The following NUP205 variants were observed in gnomAD, a reference collection of about 807,000 sequenced individuals.
NUP205 encodes nuclear pore complex protein Nup205.
Under a neutral mutation model 253.8 loss-of-function variants are expected in NUP205, and 76 were observed. The ratio of observed to expected loss-of-function variants is 0.30; its 90% CI spans 0.25 to 0.36. The LOEUF (loss-of-function observed/expected upper bound fraction) is 0.36. Among genes scored for constraint, NUP205 ranks in the 10% least tolerant of loss-of-function variants. The pLI, the probability that NUP205 is intolerant of heterozygous loss-of-function variation, is 1.00. For missense variants in NUP205, 2,162 were observed against 2,425.5 expected (o/e 0.89, Z 2.28); for synonymous variants, 832 against 850.1 (o/e 0.98, Z 0.37).
At chr7:135,647,946 C>T (rs540146366) in intron 42 of NUP205, among the ~76,000 whole-genome samples, 26 of 152,146 alleles carry the variant, frequency 1.7e-4, no homozygotes, top group Non-Finnish European at 2.8e-4. Flanking sequence ...AAAACAAAAG[C>T]ATGCAAGTGG....
intron 13 of NUP205, among the ~76,000 whole-genome samples, chr7:135,596,447 C>T (rs1156504648): frequency 1.3e-5 from 2 of 152,108 alleles, no homozygotes; most frequent in Non-Finnish European, 2.9e-5. Context: ...CACCTGAAAT[C>T]AAATGTGATT....
Position 135,619,579 on chromosome 7 carries a change from T to A in NUP205, c.4120T>A (p.Cys1374Ser). The part of the protein sequence containing the change: ...EAHYAFMLDS[C>S]FTSPPPEENP... ...CCATTACGCTTTTATGCTTGATAGTTGCTTCACCTCACCTCCTCCTGAAGA... is the reference window on the plus strand; with the variant it reads ...CCATTACGCTTTTATGCTTGATAGTAGCTTCACCTCACCTCCTCCTGAAGA... Residue 1374 changes from cysteine to serine, a missense_variant, in exon 29 of 43, where the codon TGC becomes AGC. Physicochemically the swap from Cys to Ser is moderately radical, Grantham distance 112 (BLOSUM62 -1). Coordinates refer to ENST00000285968, the MANE Select transcript of NUP205 (RefSeq NM_015135.3). The A allele has an allele frequency of 6.2e-7, 1 of 1,614,184 alleles. No individual in the cohort carries two copies. The highest frequency in any genetic ancestry group is 8.5e-7 in the Non-Finnish European group (1 of 1,180,026).
chr7:135,566,345 C>T (rs1805758665), intron 1 of NUP205, among the ~76,000 whole-genome samples: 2 of 152,034 alleles, frequency 1.3e-5, no homozygotes, highest in Non-Finnish European at 2.9e-5. Flanking sequence ...CTAGCCTTGG[C>T]CTCCCGAAGT....
chr7:135,625,341 T>C lies in NUP205; in HGVS notation c.4657T>C (p.Tyr1553His). ...QPPLLKALYT[Y>H]ESKMAFLTRV... ...TCCCCTTTTAAAAGCACTTTATACT[T>C]ATGAATCTAAAATGGTAAGGCTTTC... The change falls in exon 32 of 43, where the codon TAT (tyrosine) becomes CAT (histidine). Residue 1553 changes from tyrosine (Y) to histidine (H), a missense_variant. Transcript: ENST00000285968. The C allele has an allele frequency of 6.3e-7, 1 of 1,592,186 alleles. No homozygotes were observed. Among genetic ancestry groups the C allele is most frequent in the South Asian group, 1.1e-5 (1 of 87,410 alleles).
chr7:135,573,866 A>C, intron 3 of NUP205, 41 bp downstream of exon 3: 2 of 1,453,556 alleles, frequency 1.4e-6, no homozygotes, highest in Non-Finnish European at 9.5e-7. Flanking sequence ...AAATAATGCA[A>C]AATTATAAAA....
At chr7:135,641,327 G>T (rs1012265298) in intron 38 of NUP205, among the ~76,000 whole-genome samples, 4 of 152,162 alleles carry the variant, frequency 2.6e-5, no homozygotes, top group Admixed American at 2.6e-4. Flanking sequence ...GTAGGAGAAG[G>T]CTCTCTATAA....
chr7:135,619,342 C>T, intron 28 of NUP205, 81 bp from the exon 29 acceptor site: 3 of 1,110,282 alleles, frequency 2.7e-6, no homozygotes, highest in Non-Finnish European at 3.7e-6. Flanking sequence ...ACCCTGTCTT[C>T]AAAAAAAAAA....
intron 1 of NUP205, among the ~76,000 whole-genome samples, chr7:135,560,227 C>T (rs947950756): frequency 6.6e-6 from 1 of 151,760 alleles, no homozygotes; most frequent in Non-Finnish European, 1.5e-5. Flanking sequence ...AACTCCTGAC[C>T]TCAGGTGATC....
intron 15 of NUP205, among the ~76,000 whole-genome samples, chr7:135,599,600 G>GT (rs201972012): frequency 0.01 from 1,592 of 152,122 alleles, 31 homozygotes; most frequent in African/African-American, 0.036. Context: ...TGTCTTATAT[G>GT]CTTTTTCTTA....
At chr7:135,601,555 C>T (rs1477800421) in intron 17 of NUP205, 48 bp downstream of exon 17, 1 of 1,570,156 alleles carries the variant, frequency 6.4e-7, no homozygotes, top group East Asian at 2.3e-5. Context: ...TTGATGTTTT[C>T]ATCTTTTGTA....
rs756138234 is a variant in NUP205 at position 135,619,560 on chromosome 7, C to T, written c.4101C>T (p.Tyr1367=). ...TSVLGPAEAH[Y]AFMLDSCFTS... is the part of the protein sequence containing the mutation. ...TCTTGGGACCAGCAGAGGCCCATTA[C>T]GCTTTTATGCTTGATAGTTGCTTCA... Residue 1367 remains tyrosine (Y), a synonymous_variant, in exon 29 of 43, where the codon TAC becomes TAT. Coordinates refer to ENST00000285968, the MANE Select transcript of NUP205 (RefSeq NM_015135.3). 2.9e-5 allele frequency: 47 copies of T among 1,614,018 alleles called. No individual in the cohort carries two copies. Among genetic ancestry groups the T allele is most frequent in the Middle Eastern group, 3.3e-4 (2 of 6,082 alleles).
chr7:135,576,550 T>C, intron 4 of NUP205, 136 bp downstream of exon 4: 3 of 740,772 alleles, frequency 4.0e-6, no homozygotes, highest in Non-Finnish European at 6.5e-6. Context: ...CCAAGACAGA[T>C]ATAACAATTT....
At position 135,570,993 on chromosome 7, in the gene NUP205, C is replaced by T. The variant is rs77133880; in HGVS notation, c.29-112C>T. ...ATAATTATATTAATTAAGATAACTT[C>T]CTAGATTAAAAAGTAGCTGTGGGTG... On this transcript the variant is annotated intron_variant, in intron 1 of 42. Coordinates refer to ENST00000285968, the MANE Select transcript of NUP205 (RefSeq NM_015135.3). The T allele has an allele frequency of 4.6e-3, 1,922 of 416,340 alleles. 58 individuals carry two copies. The East Asian group carries it at 0.061, about 13-fold the overall frequency. 25.8% of individuals were successfully genotyped at this position (416,340 alleles called of 1,614,324 possible). A position where few individuals can be genotyped will look rare whatever the true frequency, so the allele number is the denominator to read the frequency against.
Position 135,584,831 on chromosome 7 carries a change from G to A in NUP205, c.1043-1G>A, listed in dbSNP as rs1312963327. On this transcript the variant is annotated splice_acceptor_variant, in intron 7 of 42. Coordinates refer to ENST00000285968, the MANE Select transcript of NUP205 (RefSeq NM_015135.3). LOFTEE classifies it high-confidence loss of function. The stretch of plus-strand genomic sequence containing the variant: ...TACTGTGTTTTAAAATCTGTTTCTA[G>A]CTCTGGCAGAATTCACAGAGGCAGA... 13 of 1,613,780 alleles carry A rather than the reference G, an allele frequency of 8.1e-6. No individual in the cohort carries two copies. Among genetic ancestry groups the A allele is most frequent in the Non-Finnish European group, 1.1e-5 (13 of 1,179,784 alleles).
intron 3 of NUP205, among the ~76,000 whole-genome samples, chr7:135,575,834 G>A (rs1166882666): frequency 2.0e-5 from 3 of 152,144 alleles, no homozygotes; most frequent in Admixed American, 6.5e-5. Context: ...GTTAAAAGGT[G>A]ACTGAACTTG....
intron 31 of NUP205, among the ~76,000 whole-genome samples, chr7:135,624,806 G>T (rs56373707): frequency 0.034 from 5,098 of 152,136 alleles, 111 homozygotes; most frequent in Middle Eastern, 0.099. Context: ...TGTGTTTTCT[G>T]TAATGAGCAT....
intron 1 of NUP205, among the ~76,000 whole-genome samples, chr7:135,563,103 C>T (rs949373906): frequency 2.0e-5 from 3 of 152,272 alleles, no homozygotes; most frequent in Middle Eastern, 6.8e-3. Context: ...AGGTCAGAGT[C>T]CCCTATTATG....
intron 35 of NUP205, among the ~76,000 whole-genome samples, chr7:135,632,522 A>G (rs1420330679): frequency 6.7e-6 from 1 of 150,064 alleles, no homozygotes; most frequent in Non-Finnish European, 1.5e-5. Flanking sequence ...ATCCCCAATA[A>G]TTTTTTTTGT....
Position 135,606,914 on chromosome 7 carries a change from A to G in NUP205, c.3069A>G (p.Pro1023=). ...TCAGTACTACAAACCTACAAGATCC[A>G]GGTATAGCCTAAGACATAAAGGCAT... ...KPVSTTNLQD[P]GVLGCPRTCL... is the part of the protein sequence containing the mutation. The change falls in exon 21 of 43, where the codon CCA becomes CCG. Residue 1023 remains proline (P), a splice_region_variant and synonymous_variant. Coordinates refer to ENST00000285968, the MANE Select transcript of NUP205 (RefSeq NM_015135.3). 2 of 1,613,392 alleles carry G rather than the reference A, an allele frequency of 1.2e-6. No homozygotes were observed. Among genetic ancestry groups the G allele is most frequent in the Non-Finnish European group, 8.5e-7 (1 of 1,179,506 alleles).
Sources: gnomAD v4.1 joint callset for allele counts (sites outside exome capture counted in the v4.1 genomes callset) on GRCh38, gnomAD v4.1.1 for gene constraint, MANE v1.5 for transcripts, NCBI Gene and HGNC (gene_info 2026-07-23, HGNC 2026-07-21) for gene names.